Variants in CHST9 observed in about 807,000 individuals in gnomAD.
The protein encoded by CHST9 is carbohydrate sulfotransferase 9.
A neutral mutation model predicts 44.4 loss-of-function variants in CHST9; 41 were observed. The observed-to-expected ratio is 0.92, with a 90% CI of 0.72 to 1.20. The LOEUF (loss-of-function observed/expected upper bound fraction) is 1.20. Among genes scored for constraint, CHST9 ranks in the 50% most tolerant of loss-of-function variants. The pLI is 0.00. For synonymous variants in CHST9, 171 were observed against 178.4 expected, an observed-to-expected ratio of 0.96 and a Z score of 0.33; for missense variants, 504 against 516.5, an observed-to-expected ratio of 0.98 and a Z score of 0.23.
intron 4 of CHST9, among the ~76,000 whole-genome samples, chr18:27,005,470 T>A (rs960803556): frequency 6.6e-6 from 1 of 152,154 alleles, no homozygotes. Context: ...TTCAAATCGA[T>A]GCTATTTTTA....
rs1333639864 is a variant in CHST9 at position 26,916,630 on chromosome 18, C to T, written c.961G>A (p.Ala321Thr). The T allele has an allele frequency of 1.2e-6, 2 of 1,613,728 alleles. No individual in the cohort carries two copies. The highest frequency in any genetic ancestry group is 2.7e-5 in the African/African-American group (2 of 74,900). ...TTGACTCCAGATCCATTAATTAATG[C>T]TTCTTCACAGGCATTTGGTCGATAT... ...KKYRPNACEE[A>T]LINGSGVKFK... is the part of the protein sequence containing the mutation. Residue 321 changes from alanine to threonine, a missense_variant, in exon 6 of 6, where the codon GCA (alanine) becomes ACA (threonine). Coordinates refer to ENST00000618847, the MANE Select transcript of CHST9 (RefSeq NM_031422.6).
intron 4 of CHST9, among the ~76,000 whole-genome samples, chr18:26,947,571 C>A (rs1403501749): frequency 1.3e-5 from 2 of 152,072 alleles, no homozygotes; most frequent in Admixed American, 6.6e-5. Flanking sequence ...AAAAAACAAA[C>A]CCCATCAAAA....
At chr18:27,177,258 G>A (rs1449570202) in intron 1 of CHST9, among the ~76,000 whole-genome samples, 4 of 151,854 alleles carry the variant, frequency 2.6e-5, no homozygotes, top group Non-Finnish European at 1.5e-5. Context: ...CTAATCGACT[G>A]TTCAAAGAAT....
intron 2 of CHST9, among the ~76,000 whole-genome samples, chr18:27,052,224 A>G (rs2143574467): frequency 6.6e-6 from 1 of 151,246 alleles, no homozygotes; most frequent in East Asian, 1.9e-4. Context: ...TTAGTTATAT[A>G]TATGTATGTG....
intron 2 of CHST9, among the ~76,000 whole-genome samples, chr18:27,071,438 TCTAA>T (rs1161101685): frequency 1.3e-5 from 2 of 152,230 alleles, no homozygotes; most frequent in East Asian, 3.8e-4. Flanking sequence ...TTTAAAATGT[TCTAA>T]CTCATTAGAT....
chr18:26,964,626 G>A (rs1262874788), intron 4 of CHST9, among the ~76,000 whole-genome samples: 2 of 152,198 alleles, frequency 1.3e-5, no homozygotes, highest in East Asian at 1.9e-4. Flanking sequence ...CAGGGCCTGG[G>A]CCAGCCCAAA....
intron 2 of CHST9, among the ~76,000 whole-genome samples, chr18:27,104,039 T>C (rs2058198347): frequency 6.6e-6 from 1 of 152,172 alleles, no homozygotes. Context: ...ATATATAATA[T>C]GATATTTAAA....
At chr18:26,986,738 C>T (rs1369403833) in intron 4 of CHST9, among the ~76,000 whole-genome samples, 1 of 152,080 alleles carries the variant, frequency 6.6e-6, no homozygotes, top group African/African-American at 2.4e-5. Flanking sequence ...GACAGGATTT[C>T]TTGTTGGAAA....
chr18:27,046,854 T>C (rs1455663689), intron 3 of CHST9, among the ~76,000 whole-genome samples: 1 of 152,076 alleles, frequency 6.6e-6, no homozygotes, highest in Non-Finnish European at 1.5e-5. Context: ...ATCAGGCAAT[T>C]GACAAGCTAC....
intron 4 of CHST9, among the ~76,000 whole-genome samples, chr18:26,990,703 T>G (rs1436904): frequency 0.35 from 53,524 of 152,082 alleles, 9,977 homozygotes; most frequent in East Asian, 0.47. Context: ...TCATTCCTCA[T>G]GCACCCTGCA....
chr18:26,955,980 G>C (rs183083219), intron 4 of CHST9, among the ~76,000 whole-genome samples: 363 of 152,128 alleles, frequency 2.4e-3, no homozygotes, highest in Middle Eastern at 3.4e-3. Context: ...CCTTGAGCTA[G>C]TAAAATTCCA....
At chr18:27,145,422 G>A (rs1399823936) in intron 1 of CHST9, among the ~76,000 whole-genome samples, 1 of 152,142 alleles carries the variant, frequency 6.6e-6, no homozygotes, top group Non-Finnish European at 1.5e-5. Flanking sequence ...GACCTCAGGC[G>A]ATCCTCCCGC....
chr18:26,942,056 G>A (rs879721933), intron 5 of CHST9, among the ~76,000 whole-genome samples: 6 of 147,698 alleles, frequency 4.1e-5, no homozygotes, highest in South Asian at 2.1e-4. Context: ...GCTCAGCAGC[G>A]CTCCATTTTG....
intron 2 of CHST9, among the ~76,000 whole-genome samples, chr18:27,053,132 A>AAGAAGAAGAAGAAGAAGAAGAAGAAGG (rs2057590617): frequency 5.0e-5 from 3 of 60,098 alleles, no homozygotes; most frequent in African/African-American, 2.4e-4. Context: ...GAAGAAGAGG[A>AAGAAGAAGAAGAAGAAGAAGAAGAAGG]AGAAGAAGAA....
At chr18:27,134,463 C>T (rs2058497354) in intron 2 of CHST9, among the ~76,000 whole-genome samples, 1 of 152,034 alleles carries the variant, frequency 6.6e-6, no homozygotes, top group African/African-American at 2.4e-5. Context: ...TGTTTATGTG[C>T]TTAAACAAAA....
At chr18:27,126,476 G>C (rs1023363509) in intron 2 of CHST9, among the ~76,000 whole-genome samples, 2 of 152,106 alleles carry the variant, frequency 1.3e-5, no homozygotes, top group African/African-American at 4.8e-5. Flanking sequence ...AGAGCACAAG[G>C]GAGAGGCAAC....
intron 4 of CHST9, among the ~76,000 whole-genome samples, chr18:26,975,873 C>T (rs2056618086): frequency 6.6e-6 from 1 of 150,974 alleles, no homozygotes. Context: ...TAAATTACAT[C>T]TCAGAATTTA....
At chr18:26,969,845 T>C (rs973285073) in intron 4 of CHST9, among the ~76,000 whole-genome samples, 5 of 151,380 alleles carry the variant, frequency 3.3e-5, no homozygotes, top group African/African-American at 1.2e-4. Flanking sequence ...TCTAAATAGT[T>C]TGATCTTGAT....
At chr18:26,983,737 CTGA>C (rs2056721246) in intron 4 of CHST9, among the ~76,000 whole-genome samples, 2 of 152,234 alleles carry the variant, frequency 1.3e-5, no homozygotes, top group South Asian at 4.1e-4. Context: ...TTAGGTAGTG[CTGA>C]TATTATTGAT....
Sources: gnomAD v4.1 joint callset for allele counts (sites outside exome capture counted in the v4.1 genomes callset) on GRCh38, gnomAD v4.1.1 for gene constraint, MANE v1.5 for transcripts, NCBI Gene and HGNC (gene_info 2026-07-23, HGNC 2026-07-21) for gene names.